MICB: variants seen among roughly 807,000 people sequenced by gnomAD.
The protein encoded by MICB is MHC class I polypeptide-related sequence B.
Under a neutral mutation model 34.3 loss-of-function variants are expected in MICB, and 27 were observed. The observed-to-expected ratio is 0.79, with a 90% CI of 0.58 to 1.08. The LOEUF is 1.08. Among genes scored for constraint, MICB ranks in the 50% least tolerant of loss-of-function variants. The pLI is 0.00. For synonymous variants in MICB, 153 were observed against 187.4 expected, an observed-to-expected ratio of 0.82 and a Z score of 1.50; for missense variants, 426 against 483.1, an observed-to-expected ratio of 0.88 and a Z score of 1.11.
rs1185595566 is a variant in MICB at position 31,498,203 on chromosome 6, G to A, written c.10G>A (p.Gly4Ser). The change falls in exon 1 of 6, where the codon GGC (glycine) becomes AGC (serine). Residue 4 changes from glycine (G) to serine (S), a missense_variant. Coordinates refer to ENST00000252229, the MANE Select transcript of MICB (RefSeq NM_005931.5). MGL[G>S]RVLLFLAVAF... ...TGGCGACGTAGGGGCCATGGGGCTG[G>A]GCCGGGTCCTGCTGTTTCTGGCCGT... 2.5e-6 allele frequency: 4 copies of A among 1,584,396 alleles called. No homozygotes were observed. Among genetic ancestry groups the A allele is most frequent in the African/African-American group, 1.4e-5 (1 of 73,580 alleles).
intron 3 of MICB, 78 bp from the exon 4 acceptor site, chr6:31,506,944 T>C: frequency 6.4e-7 from 1 of 1,555,596 alleles, no homozygotes; most frequent in Non-Finnish European, 8.7e-7. Flanking sequence ...GTGAGAACAG[T>C]GGAGAGGAGC....
At chr6:31,498,398 G>C in intron 1 of MICB, 135 bp downstream of exon 1, 2 of 473,698 alleles carry the variant, frequency 4.2e-6, no homozygotes, top group Non-Finnish European at 7.0e-6. Flanking sequence ...GGAGCTGGAC[G>C]CCGCCTGTTC....
At chr6:31,508,189 A>C (rs1765461091) in intron 5 of MICB, among the ~76,000 whole-genome samples, 2 of 152,192 alleles carry the variant, frequency 1.3e-5, no homozygotes, top group African/African-American at 4.8e-5. Context: ...GCAGTCCCTG[A>C]GGGACACAGT....
At chr6:31,498,041 A>C, upstream of MICB, 1 of 436,974 alleles carries the variant, frequency 2.3e-6, no homozygotes, top group Non-Finnish European at 3.9e-6. Context: ...CGCCCTCTCC[A>C]CTCATGATTG....
rs981403700 is a variant in MICB, at chr6:31,510,537, T to G, written c.*628T>G. On this transcript the variant is annotated 3_prime_UTR_variant, in exon 6 of 6. Transcript: ENST00000252229. Reference sequence around the variant, plus strand: ...AATTGGTATCATTATTTCTGTTGTTTTTGTTTTTGTTTTTGTTTTTGTTTT... The same window carrying G: ...AATTGGTATCATTATTTCTGTTGTTGTTGTTTTTGTTTTTGTTTTTGTTTT... 15 of 132,382 alleles carry G rather than the reference T, an allele frequency of 1.1e-4. No homozygotes were observed. The highest frequency in any genetic ancestry group is 4.0e-4 in the African/African-American group (14 of 35,040). The allele number at this position is 132,382 out of a possible 1,614,324, so 8.2% of individuals were successfully genotyped here.
At position 31,510,088 on chromosome 6, in the gene MICB, G is replaced by A; in HGVS notation, c.*179G>A. 1.8e-6 allele frequency: 1 copy of A among 560,768 alleles called. No individual in the cohort carries two copies. Among genetic ancestry groups the A allele is most frequent in the East Asian group, 3.3e-5 (1 of 30,498 alleles). The allele number at this position is 560,768 out of a possible 1,614,324, so 34.7% of individuals were successfully genotyped here. On this transcript the variant is annotated 3_prime_UTR_variant, in exon 6 of 6. Coordinates refer to ENST00000252229, the MANE Select transcript of MICB (RefSeq NM_005931.5). ...TCTGCCACGTAGAGAGCCAGCAAAG[G>A]GATCATGACCAACTCAACATTCCAT...
chr6:31,508,563 A>G (rs3134892), intron 5 of MICB, among the ~76,000 whole-genome samples: 122,323 of 151,706 alleles, frequency 0.81, 49,599 homozygotes, highest in East Asian at 0.91. Flanking sequence ...AGAGGGCCCC[A>G]TCCAGGAGGC....
Position 31,511,053 on chromosome 6 carries a change from C to T in MICB, c.*1144C>T, listed in dbSNP as rs978483341. 1 of 152,194 alleles carries T rather than the reference C, an allele frequency of 6.6e-6. No individual in the cohort carries two copies. Among genetic ancestry groups the T allele is most frequent in the Non-Finnish European group, 1.5e-5 (1 of 68,042 alleles). The allele number at this position is 152,194 out of a possible 1,614,324, so 9.4% of individuals were successfully genotyped here. On this transcript the variant is annotated 3_prime_UTR_variant, in exon 6 of 6. Coordinates refer to ENST00000252229, the MANE Select transcript of MICB (RefSeq NM_005931.5). ...TTGAGGTCCCCTCGCCCCGTCACAC[C>T]GTTATGCATTACTCTGTGTCTACTA...
chr6:31,499,334 G>T (rs2855802), intron 1 of MICB, among the ~76,000 whole-genome samples: 47,777 of 151,716 alleles, frequency 0.31, 7,737 homozygotes, highest in Middle Eastern at 0.39. Context: ...CCTGGGTCCT[G>T]TTGCTCTCCC....
At position 31,509,944 on chromosome 6, in the gene MICB, G is replaced by C. The variant is rs1765578313; in HGVS notation, c.*35G>C. The C allele has an allele frequency of 6.4e-7, 1 of 1,563,594 alleles. No individual in the cohort carries two copies. The highest frequency in any genetic ancestry group is 8.7e-7 in the Non-Finnish European group (1 of 1,154,682). Reference sequence around the variant, plus strand: ...CCAGGCGGCCAGGATTCAACTCCCTGCCTGGATCTCACCAGCACTTTCCCT... The same window carrying C: ...CCAGGCGGCCAGGATTCAACTCCCTCCCTGGATCTCACCAGCACTTTCCCT... On this transcript the variant is annotated 3_prime_UTR_variant, in exon 6 of 6. Coordinates refer to ENST00000252229, the MANE Select transcript of MICB (RefSeq NM_005931.5).
intron 5 of MICB, among the ~76,000 whole-genome samples, chr6:31,508,064 G>A (rs1765454505): frequency 6.6e-6 from 1 of 152,164 alleles, no homozygotes; most frequent in Admixed American, 6.5e-5. Flanking sequence ...CCTTGCAGAT[G>A]ACACAGATGA....
chr6:31,509,998 A>C lies in MICB; in HGVS notation c.*89A>C. 7.3e-7 allele frequency: 1 copy of C among 1,379,094 alleles called. No individual in the cohort carries two copies. 85.4% of individuals were successfully genotyped at this position (1,379,094 alleles called of 1,614,324 possible). A position where few individuals can be genotyped will look rare whatever the true frequency, so the allele number is the denominator to read the frequency against. On this transcript the variant is annotated 3_prime_UTR_variant, in exon 6 of 6. Transcript: ENST00000252229. ...TTTCCTGACCTATGAAACAGAGAAA[A>C]TAACATCACTTATTTATTGTTGTTG...
intron 5 of MICB, among the ~76,000 whole-genome samples, chr6:31,508,155 C>A (rs944332896): frequency 1.4e-4 from 22 of 152,324 alleles, no homozygotes; most frequent in African/African-American, 5.3e-4. Context: ...CTGTTTTCAT[C>A]CTACCTCCAG....
rs1366817207 is a variant in MICB at position 31,509,847 on chromosome 6, C to T, written c.1090C>T (p.Gln364Ter). The change falls in exon 6 of 6, where the codon CAG becomes TAG. Residue 364 changes from glutamine to a stop codon, truncating the protein, a stop_gained. Transcript: ENST00000252229. LOFTEE classifies it low-confidence loss of function (END_TRUNC). ...GACAGGAGACCACAGGGATGCAGCA[C>T]AGCTGGGATTTCAGCCTCTGATGTC... ...VGTGDHRDAA[Q>*]LGFQPLMSAT... The T allele has an allele frequency of 6.2e-7, 1 of 1,613,444 alleles. No individual in the cohort carries two copies. Among genetic ancestry groups the T allele is most frequent in the African/African-American group, 1.3e-5 (1 of 74,896 alleles).
At chr6:31,495,155 T>C (rs536066166), upstream of MICB, among the ~76,000 whole-genome samples, 94 of 152,166 alleles carry the variant, frequency 6.2e-4, 1 homozygote, top group Admixed American at 2.0e-3. Context: ...CTCAAGACCT[T>C]CTTGGCCTCC....
At chr6:31,498,139 G>T (rs1299402752), upstream of MICB, 56 of 1,464,516 alleles carry the variant, frequency 3.8e-5, no homozygotes, top group Middle Eastern at 7.1e-4. Context: ...TCTTCTCACG[G>T]GTTTCATTCA....
chr6:31,504,099 AT>A (rs1241683143), intron 1 of MICB, among the ~76,000 whole-genome samples: 42 of 146,952 alleles, frequency 2.9e-4, no homozygotes, highest in African/African-American at 1.0e-3. Flanking sequence ...GATCATTTGT[AT>A]ATTTTCTTTG....
In MICB at chr6:31,506,359, G is replaced by A. The variant is rs752885996; in HGVS notation, c.542G>A (p.Arg181His). The A allele has an allele frequency of 5.2e-5, 84 of 1,614,042 alleles. No homozygotes were observed. The highest frequency in any genetic ancestry group is 6.3e-5 in the Non-Finnish European group (74 of 1,180,016). The change falls in exon 3 of 6, where the codon CGC becomes CAC. Residue 181 changes from arginine (R) to histidine (H), a missense_variant. Transcript: ENST00000252229. ...GCCATGAAGACCAAGACACACTATC[G>A]CGCTATGCAGGCAGACTGCCTGCAG... Reference protein sequence around the residue: ...EDAMKTKTHYRAMQADCLQKL... With the variant: ...EDAMKTKTHYHAMQADCLQKL...
In MICB at chr6:31,505,735, A is replaced by G; in HGVS notation, c.189A>G (p.Lys63=). ...GQPFLRYDRQ[K]RRAKPQGQWA... is the part of the protein sequence containing the mutation. ...CCTTCCTGCGCTATGACAGGCAGAA[A>G]CGCAGGGCAAAGCCCCAGGGACAGT... Residue 63 remains lysine (K), a synonymous_variant, in exon 2 of 6, where the codon AAA becomes AAG. Transcript: ENST00000252229. 1 of 1,613,152 alleles carries G rather than the reference A, an allele frequency of 6.2e-7. No homozygotes were observed. Among genetic ancestry groups the G allele is most frequent in the Non-Finnish European group, 8.5e-7 (1 of 1,180,034 alleles).
Sources: gnomAD v4.1 joint callset for allele counts (sites outside exome capture counted in the v4.1 genomes callset) on GRCh38, gnomAD v4.1.1 for gene constraint, MANE v1.5 for transcripts, NCBI Gene and HGNC (gene_info 2026-07-23, HGNC 2026-07-21) for gene names.